Variants in FRMD4A observed in about 807,000 individuals in gnomAD.
FRMD4A encodes the protein FERM domain containing 4A.
A neutral mutation model predicts 129.1 loss-of-function variants in FRMD4A; 29 were observed. The observed-to-expected ratio is 0.22, with a 90% CI of 0.17 to 0.31. FRMD4A has a LOEUF of 0.31. Among genes scored for constraint, FRMD4A ranks in the 10% least tolerant of loss-of-function variants. FRMD4A has a pLI of 1.00. For synonymous variants in FRMD4A, 634 were observed against 571.6 expected (o/e 1.11, Z -1.56); for missense variants, 1,272 against 1,375.8 (o/e 0.92, Z 1.19).
chr10:13,759,136 G>A lies in FRMD4A; in HGVS notation c.464+2511C>T, dbSNP rs539264022. Among the ~76,000 whole-genome samples the A allele has an allele frequency of 3.9e-5, 6 of 152,332 alleles. No individual in the cohort carries two copies. The South Asian group carries it at 1.2e-3, about 32-fold the overall frequency. On this transcript the variant is annotated intron_variant, in intron 8 of 24. Coordinates refer to ENST00000357447, the MANE Select transcript of FRMD4A (RefSeq NM_018027.5). ...ACAAATCACCCCCACCGTCCATGGT[G>A]TAGGTTTTAGGCTGTGAGATAAACT...
chr10:13,956,005 G>A (rs1455678294), intron 2 of FRMD4A, among the ~76,000 whole-genome samples: 1 of 152,162 alleles, frequency 6.6e-6, no homozygotes, highest in African/African-American at 2.4e-5. Context: ...CTCTACAGTT[G>A]TTGCAAAGGG....
At chr10:13,830,145 A>G (rs1158537355) in intron 3 of FRMD4A, among the ~76,000 whole-genome samples, 7 of 152,158 alleles carry the variant, frequency 4.6e-5, no homozygotes, top group Non-Finnish European at 5.9e-5. Flanking sequence ...CTGCAGAGAG[A>G]GAAATCATCT....
chr10:13,936,620 C>A (rs750027760), intron 2 of FRMD4A, among the ~76,000 whole-genome samples: 7 of 152,130 alleles, frequency 4.6e-5, no homozygotes, highest in Non-Finnish European at 1.0e-4. Flanking sequence ...AAGAAGTGAG[C>A]CCCTTTCATA....
chr10:14,125,615 C>G (rs766125629), intron 2 of FRMD4A, among the ~76,000 whole-genome samples: 1 of 152,292 alleles, frequency 6.6e-6, no homozygotes, highest in East Asian at 1.9e-4. Flanking sequence ...ATCTGACCTC[C>G]ACAATGCTGG....
At chr10:14,134,174 T>G (rs1289021248) in intron 2 of FRMD4A, among the ~76,000 whole-genome samples, 1 of 152,262 alleles carries the variant, frequency 6.6e-6, no homozygotes, top group African/African-American at 2.4e-5. Context: ...TCTTTTTTTG[T>G]TTATTCCCAT....
In FRMD4A at chr10:13,680,370, T is replaced by G. The variant is rs117064842; in HGVS notation, c.1118-5326A>C. Among the ~76,000 whole-genome samples the G allele has an allele frequency of 1.2e-3, 182 of 152,228 alleles. 4 individuals carry two copies. The East Asian group carries it at 0.033, about 28-fold the overall frequency. On this transcript the variant is annotated intron_variant, in intron 15 of 24. Transcript: ENST00000357447. Reference sequence around the variant, plus strand: ...TGCTGATTTATCCATTTTCAGTTATTTGAACACATATATGCTTTTGCAAGT... The same window carrying G: ...TGCTGATTTATCCATTTTCAGTTATGTGAACACATATATGCTTTTGCAAGT...
chr10:14,307,727 T>C (rs1394841286), intron 2 of FRMD4A, among the ~76,000 whole-genome samples: 1 of 152,172 alleles, frequency 6.6e-6, no homozygotes, highest in African/African-American at 2.4e-5. Context: ...ACAGTTTTTG[T>C]CCAGTTACAT....
chr10:14,029,258 G>C (rs929600325), intron 2 of FRMD4A, among the ~76,000 whole-genome samples: 2 of 151,850 alleles, frequency 1.3e-5, no homozygotes, highest in Non-Finnish European at 1.5e-5. Flanking sequence ...AGTCTCGGTG[G>C]TGGGGTGGGA....
At chr10:14,260,892 G>A (rs1844778082) in intron 2 of FRMD4A, among the ~76,000 whole-genome samples, 1 of 152,254 alleles carries the variant, frequency 6.6e-6, no homozygotes, top group African/African-American at 2.4e-5. Context: ...TGGATTCTGA[G>A]TAGACACCTG....
intron 2 of FRMD4A, among the ~76,000 whole-genome samples, chr10:13,914,283 T>C (rs1881579): frequency 1 from 151,740 of 152,356 alleles, 75,568 homozygotes; most frequent in Middle Eastern, 1. Context: ...AGACTTCTAA[T>C]GGGTAAAATA....
chr10:13,940,795 T>C (rs1189055205), intron 2 of FRMD4A, among the ~76,000 whole-genome samples: 1 of 152,226 alleles, frequency 6.6e-6, no homozygotes, highest in East Asian at 1.9e-4. Flanking sequence ...ACTGTTTTCT[T>C]ATCTATAGAT....
chr10:14,115,978 A>G (rs1838177913), intron 2 of FRMD4A, among the ~76,000 whole-genome samples: 1 of 152,240 alleles, frequency 6.6e-6, no homozygotes, highest in Admixed American at 6.5e-5. Context: ...CATTCTCTGA[A>G]AGAAGCATTG....
chr10:14,134,165 CT>C (rs1192764004), intron 2 of FRMD4A, among the ~76,000 whole-genome samples: 1 of 151,996 alleles, frequency 6.6e-6, no homozygotes, highest in Non-Finnish European at 1.5e-5. Context: ...TTCTCTTTGT[CT>C]TTTTTTGTTT....
At chr10:14,185,840 G>A (rs1477095071) in intron 2 of FRMD4A, among the ~76,000 whole-genome samples, 1 of 152,106 alleles carries the variant, frequency 6.6e-6, no homozygotes, top group African/African-American at 2.4e-5. Flanking sequence ...AGTGGAGACA[G>A]CCATGGCCAG....
At chr10:13,913,702 A>G (rs1382477367) in intron 2 of FRMD4A, among the ~76,000 whole-genome samples, 1 of 152,120 alleles carries the variant, frequency 6.6e-6, no homozygotes, top group Non-Finnish European at 1.5e-5. Context: ...CCTTAGTACT[A>G]GTAGATGGGG....
chr10:13,945,927 C>T (rs1247778966), intron 2 of FRMD4A, among the ~76,000 whole-genome samples: 1 of 152,210 alleles, frequency 6.6e-6, no homozygotes, highest in Non-Finnish European at 1.5e-5. Flanking sequence ...TTTCAACTTC[C>T]TCTGGCTGCA....
chr10:13,825,478 C>A (rs569702777), intron 3 of FRMD4A, among the ~76,000 whole-genome samples: 1 of 152,138 alleles, frequency 6.6e-6, no homozygotes. Flanking sequence ...ACTGTGCATG[C>A]GAGGGATCTA....
At chr10:14,161,759 G>T (rs1270986097) in intron 2 of FRMD4A, among the ~76,000 whole-genome samples, 1 of 152,120 alleles carries the variant, frequency 6.6e-6, no homozygotes, top group Admixed American at 6.5e-5. Flanking sequence ...TAGCACAGTA[G>T]GGTGATGATA....
intron 2 of FRMD4A, among the ~76,000 whole-genome samples, chr10:14,241,937 A>C (rs1042233971): frequency 2.0e-5 from 3 of 152,034 alleles, no homozygotes; most frequent in Non-Finnish European, 4.4e-5. Context: ...CCTAAGCTGT[A>C]TCACCACCAA....
Sources: gnomAD v4.1 joint callset for allele counts (sites outside exome capture counted in the v4.1 genomes callset) on GRCh38, gnomAD v4.1.1 for gene constraint, MANE v1.5 for transcripts, NCBI Gene and HGNC (gene_info 2026-07-23, HGNC 2026-07-21) for gene names.